CDH9: variants seen among roughly 807,000 people sequenced by gnomAD.
The protein encoded by CDH9 is cadherin 9.
In CDH9, 28 loss-of-function variants were observed where a neutral mutation model predicts 70.9. The ratio of observed to expected loss-of-function variants is 0.40; its 90% CI spans 0.29 to 0.54. The LOEUF is 0.54. Among genes scored for constraint, CDH9 ranks in the 20% least tolerant of loss-of-function variants. CDH9 has a pLI of 0.59. For missense variants in CDH9, 874 were observed against 984.4 expected (o/e 0.89, Z 1.50); for synonymous variants, 409 against 343.1 (o/e 1.19, Z -2.12).
intron 7 of CDH9, among the ~76,000 whole-genome samples, chr5:26,896,833 G>T (rs907359504): frequency 1.3e-5 from 2 of 151,830 alleles, no homozygotes; most frequent in African/African-American, 4.8e-5. Context: ...CAGAGCTGAA[G>T]GAGATAGAGA....
intron 2 of CDH9, among the ~76,000 whole-genome samples, chr5:26,969,381 GAGA>G (rs916113761): frequency 7.2e-5 from 11 of 152,026 alleles, no homozygotes; most frequent in Non-Finnish European, 1.3e-4. Context: ...AGACTGATTG[GAGA>G]AGAACTACAT....
intron 2 of CDH9, among the ~76,000 whole-genome samples, chr5:26,958,854 T>A (rs908359531): frequency 2.6e-5 from 4 of 152,086 alleles, no homozygotes; most frequent in African/African-American, 7.2e-5. Flanking sequence ...ATGGCAATAA[T>A]TAACTCAAAA....
intron 2 of CDH9, among the ~76,000 whole-genome samples, chr5:26,964,133 A>G (rs1312256858): frequency 1.4e-5 from 1 of 69,698 alleles, no homozygotes; most frequent in African/African-American, 2.8e-5. Context: ...TTTGTTCAAG[A>G]AAAGACTCTT....
intron 1 of CDH9, among the ~76,000 whole-genome samples, chr5:27,029,896 A>C (rs1314457840): frequency 2.6e-5 from 4 of 152,008 alleles, no homozygotes; most frequent in Admixed American, 2.0e-4. Flanking sequence ...GAAGTGAGAC[A>C]CAAGATCAGC....
intron 1 of CDH9, among the ~76,000 whole-genome samples, chr5:27,026,546 C>A (rs896135564): frequency 3.3e-5 from 5 of 151,820 alleles, no homozygotes; most frequent in Non-Finnish European, 7.4e-5. Context: ...TTTAATTATT[C>A]TTTTTGTTAT....
intron 2 of CDH9, among the ~76,000 whole-genome samples, chr5:26,961,320 A>G (rs1434080406): frequency 6.6e-6 from 1 of 152,186 alleles, no homozygotes; most frequent in African/African-American, 2.4e-5. Context: ...ATTATCAGCT[A>G]TAGTTACCAT....
At chr5:26,892,430 G>A (rs1190127722) in intron 7 of CDH9, among the ~76,000 whole-genome samples, 2 of 152,112 alleles carry the variant, frequency 1.3e-5, no homozygotes, top group African/African-American at 4.8e-5. Context: ...CACAGGCTAG[G>A]TTTTATATAG....
Position 26,988,232 on chromosome 5 carries a change from G to A in CDH9, c.102C>T (p.Ser34=), listed in dbSNP as rs1353927828. The A allele has an allele frequency of 1.2e-6, 2 of 1,613,354 alleles. No homozygotes were observed. The highest frequency in any genetic ancestry group is 1.7e-6 in the Non-Finnish European group (2 of 1,179,548). ...LQEKPNSYLS[S]KKIAGLTKDD... ...CTTTTGTCAGACCCGCTATCTTTTTGCTTGATAAATAACTGTTAGGTTTTT... is the reference window on the plus strand; with the variant it reads ...CTTTTGTCAGACCCGCTATCTTTTTACTTGATAAATAACTGTTAGGTTTTT... The change falls in exon 2 of 12, where the codon AGC becomes AGT. Residue 34 remains serine, a synonymous_variant. Transcript: ENST00000231021.
chr5:26,893,179 G>A (rs1051068595), intron 7 of CDH9, among the ~76,000 whole-genome samples: 1 of 152,110 alleles, frequency 6.6e-6, no homozygotes, highest in African/African-American at 2.4e-5. Context: ...AAGTAAATGG[G>A]TCTGATCATA....
At chr5:27,017,464 C>A (rs1743065134) in intron 1 of CDH9, among the ~76,000 whole-genome samples, 1 of 151,874 alleles carries the variant, frequency 6.6e-6, no homozygotes, top group African/African-American at 2.4e-5. Flanking sequence ...AAACGCTCTG[C>A]AAAGGTCAAA....
intron 2 of CDH9, among the ~76,000 whole-genome samples, chr5:26,960,184 T>A (rs1742010877): frequency 6.6e-6 from 1 of 152,020 alleles, no homozygotes; most frequent in Non-Finnish European, 1.5e-5. Context: ...ATGTGTATTA[T>A]CTGAACAATA....
intron 7 of CDH9, among the ~76,000 whole-genome samples, chr5:26,896,052 A>G (rs1740744636): frequency 6.6e-6 from 1 of 152,018 alleles, no homozygotes; most frequent in Non-Finnish European, 1.5e-5. Context: ...CCATCTGAAG[A>G]ATACAATTTG....
chr5:26,977,396 T>A (rs1395122298), intron 2 of CDH9, among the ~76,000 whole-genome samples: 1 of 151,516 alleles, frequency 6.6e-6, no homozygotes, highest in Non-Finnish European at 1.5e-5. Flanking sequence ...ACATCAAATA[T>A]AATTGACCGT....
intron 7 of CDH9, among the ~76,000 whole-genome samples, chr5:26,898,377 GC>G (rs1171134995): frequency 1.3e-5 from 2 of 152,048 alleles, no homozygotes; most frequent in Non-Finnish European, 2.9e-5. Context: ...ACAATCCTAA[GC>G]AAAAAGAACA....
intron 2 of CDH9, among the ~76,000 whole-genome samples, chr5:26,934,084 C>T (rs1741517224): frequency 1.3e-5 from 2 of 151,992 alleles, no homozygotes; most frequent in African/African-American, 2.4e-5. Flanking sequence ...CAAAGGAGAA[C>T]AGGCATTGTA....
intron 2 of CDH9, among the ~76,000 whole-genome samples, chr5:26,928,967 GC>G (rs1216560613): frequency 6.6e-6 from 1 of 152,004 alleles, no homozygotes; most frequent in East Asian, 1.9e-4. Context: ...ATAAGCACAG[GC>G]AACAAAAGCA....
intron 1 of CDH9, among the ~76,000 whole-genome samples, chr5:27,010,621 T>C (rs1251044297): frequency 6.6e-6 from 1 of 152,142 alleles, no homozygotes; most frequent in East Asian, 1.9e-4. Flanking sequence ...GCCTTCCAAG[T>C]TATCACAAGT....
chr5:26,993,020 C>A (rs954262655), intron 1 of CDH9, among the ~76,000 whole-genome samples: 1 of 148,354 alleles, frequency 6.7e-6, no homozygotes, highest in Admixed American at 6.8e-5. Context: ...CACTTGAACC[C>A]GGGAGGCGGA....
intron 2 of CDH9, among the ~76,000 whole-genome samples, chr5:26,961,911 T>C (rs1173498692): frequency 6.6e-6 from 1 of 152,116 alleles, no homozygotes; most frequent in Non-Finnish European, 1.5e-5. Context: ...CGTGTCATGT[T>C]GGTTTGCCAC....
Sources: allele counts gnomAD v4.1 joint callset (sites outside exome capture counted in the v4.1 genomes callset), GRCh38; gene constraint gnomAD v4.1.1; transcripts MANE v1.5; gene names NCBI Gene and HGNC (gene_info 2026-07-23, HGNC 2026-07-21).